Variants in INSL6 observed in about 807,000 individuals in gnomAD.
INSL6 encodes the protein insulin-like peptide INSL6.
Under a neutral mutation model 9.4 loss-of-function variants are expected in INSL6, and 16 were observed. The ratio of observed to expected loss-of-function variants is 1.70; its 90% CI spans 1.15 to 2.59. The LOEUF (loss-of-function observed/expected upper bound fraction) is 2.59, where lower values mean the gene tolerates loss of function less well. Ranked by LOEUF, INSL6 falls within the 30% of genes most tolerant of loss-of-function variation. INSL6 has a pLI of 0.00. For missense variants in INSL6, 391 were observed against 257.3 expected, an observed-to-expected ratio of 1.52 and a Z score of -3.56; for synonymous variants, 154 against 96.9, an observed-to-expected ratio of 1.59 and a Z score of -3.46.
At chr9:5,084,255 T>C in the INSL6 span, among the ~76,000 whole-genome samples, 1 of 152,136 alleles carries the variant, frequency 6.6e-6, no homozygotes, top group African/African-American at 2.4e-5. Context: ...AATGTGGATA[T>C]TTCCTATCTG....
At chr9:5,073,707 G>C in the INSL6 span, 1 of 1,609,066 alleles carries the variant, frequency 6.2e-7, no homozygotes, top group Non-Finnish European at 8.5e-7. Flanking sequence ...GTCTTTCTTT[G>C]AAGCAGCAAG....
the INSL6 span, chr9:5,108,847 C>A: frequency 6.6e-6 from 1 of 152,166 alleles, no homozygotes; most frequent in Admixed American, 6.5e-5. Context: ...TGAAGCTTTA[C>A]AGGTGCCGTC....
intron 2 of INSL6, among the ~76,000 whole-genome samples, chr9:5,142,734 T>C (rs368252264): frequency 2.6e-5 from 4 of 152,196 alleles, no homozygotes; most frequent in African/African-American, 4.8e-5. Flanking sequence ...TCCAGTACTA[T>C]GTTGAATAGG....
chr9:5,087,565 C>T, the INSL6 span, among the ~76,000 whole-genome samples: 10 of 152,158 alleles, frequency 6.6e-5, no homozygotes, highest in Admixed American at 2.0e-4. Context: ...TTCTTCATCT[C>T]CTTCTTCCAT....
At chr9:5,121,516 G>A (rs1823613806), downstream of INSL6, among the ~76,000 whole-genome samples, 1 of 152,164 alleles carries the variant, frequency 6.6e-6, no homozygotes, top group Admixed American at 6.6e-5. Flanking sequence ...TCCTGCTGAA[G>A]TTAGGCTTCT....
At chr9:5,032,042 A>T in the INSL6 span, among the ~76,000 whole-genome samples, 26 of 152,310 alleles carry the variant, frequency 1.7e-4, no homozygotes, top group African/African-American at 5.3e-4. Context: ...GCACCTGGAA[A>T]ATCGGGTCAC....
At chr9:5,150,058 A>G (rs10815167) in intron 2 of INSL6, among the ~76,000 whole-genome samples, 54,943 of 152,076 alleles carry the variant, frequency 0.36, 10,781 homozygotes, top group African/African-American at 0.53. Flanking sequence ...AGAAGAATCA[A>G]TCTGGACTCA....
At chr9:5,141,126 T>C (rs1056245907) in intron 2 of INSL6, among the ~76,000 whole-genome samples, 14 of 152,292 alleles carry the variant, frequency 9.2e-5, no homozygotes, top group African/African-American at 3.1e-4. Context: ...GACATTTAGG[T>C]TGATTCCATG....
chr9:5,061,751 A>G, the INSL6 span, among the ~76,000 whole-genome samples: 1 of 152,230 alleles, frequency 6.6e-6, no homozygotes, highest in Non-Finnish European at 1.5e-5. Flanking sequence ...CTTTGGATTC[A>G]TAACTTGCCT....
At chr9:5,086,515 T>C in the INSL6 span, among the ~76,000 whole-genome samples, 1 of 152,206 alleles carries the variant, frequency 6.6e-6, no homozygotes, top group Non-Finnish European at 1.5e-5. Context: ...TTGGTCCACA[T>C]TCCTTGAATA....
intron 2 of INSL6, among the ~76,000 whole-genome samples, chr9:5,143,357 A>G (rs540086493): frequency 6.6e-6 from 1 of 151,720 alleles, no homozygotes; most frequent in East Asian, 1.9e-4. Flanking sequence ...TAATGCTTCA[A>G]CTTCAGAGCT....
At chr9:5,063,277 A>G in the INSL6 span, among the ~76,000 whole-genome samples, 1 of 152,162 alleles carries the variant, frequency 6.6e-6, no homozygotes. Flanking sequence ...TTCATTTTCT[A>G]CAAGAACTCT....
chr9:5,045,627 C>A, the INSL6 span, among the ~76,000 whole-genome samples: 1 of 152,114 alleles, frequency 6.6e-6, no homozygotes, highest in Non-Finnish European at 1.5e-5. Context: ...GAATATAAAT[C>A]TGCCTTTTCT....
At chr9:5,044,417 G>A in the INSL6 span, 52 of 1,609,634 alleles carry the variant, frequency 3.2e-5, no homozygotes, top group South Asian at 5.5e-5. Flanking sequence ...TACTTTCCTC[G>A]TTGGTATTGC....
At chr9:5,112,981 A>C in the INSL6 span, 1 of 189,000 alleles carries the variant, frequency 5.3e-6, no homozygotes. Context: ...GCCAACACCG[A>C]CCTGATGAGG....
intron 2 of INSL6, among the ~76,000 whole-genome samples, chr9:5,148,564 A>G (rs72701646): frequency 0.024 from 3,610 of 152,060 alleles, 67 homozygotes; most frequent in Non-Finnish European, 0.038. Context: ...AATAGGCCAT[A>G]CCCTTACAGG....
intron 2 of INSL6, among the ~76,000 whole-genome samples, chr9:5,158,028 C>G (rs1824849551): frequency 6.6e-6 from 1 of 151,912 alleles, no homozygotes; most frequent in African/African-American, 2.4e-5. Flanking sequence ...AGCAGAAATT[C>G]TGGAGTAGAA....
chr9:5,003,369 C>T, the INSL6 span, among the ~76,000 whole-genome samples: 7 of 151,940 alleles, frequency 4.6e-5, no homozygotes, highest in Admixed American at 3.9e-4. Context: ...CTATCCCTCT[C>T]TTATTTAGCT....
chr9:5,058,194 G>C, the INSL6 span, among the ~76,000 whole-genome samples: 1 of 152,020 alleles, frequency 6.6e-6, no homozygotes, highest in Non-Finnish European at 1.5e-5. Context: ...CAATTCCTTT[G>C]GATATATACC....
Sources: allele counts gnomAD v4.1 joint callset (sites outside exome capture counted in the v4.1 genomes callset), GRCh38; gene constraint gnomAD v4.1.1; transcripts MANE v1.5; gene names NCBI Gene and HGNC (gene_info 2026-07-23, HGNC 2026-07-21).